Variants in SELENBP1 observed in about 807,000 individuals in gnomAD.
The protein encoded by SELENBP1 is selenium binding protein 1.
A neutral mutation model predicts 61.0 loss-of-function variants in SELENBP1; 71 were observed. The ratio of observed to expected loss-of-function variants is 1.16; its 90% CI spans 0.96 to 1.42. The LOEUF is 1.42. Among genes scored for constraint, SELENBP1 ranks in the 40% most tolerant of loss-of-function variants. SELENBP1 has a pLI of 0.00. For synonymous variants in SELENBP1, 270 were observed against 238.9 expected (o/e 1.13, Z -1.20); for missense variants, 561 against 605.0 (o/e 0.93, Z 0.76).
In SELENBP1 at chr1:151,366,917, G is replaced by A. The variant is rs377714552; in HGVS notation, c.482-13C>T. The A allele has an allele frequency of 2.7e-5, 43 of 1,612,074 alleles. No homozygotes were observed. Among genetic ancestry groups the A allele is most frequent in the Non-Finnish European group, 3.4e-5 (40 of 1,178,688 alleles). On this transcript the variant is annotated splice_polypyrimidine_tract_variant and intron_variant, in intron 5 of 11. Transcript: ENST00000368868. Reference sequence around the variant, plus strand: ...AGCACAAAACCCCCTGAACAGGGAAGGAAGCAGGGTGGCAGGTAGAAGCAG... The same window carrying A: ...AGCACAAAACCCCCTGAACAGGGAAAGAAGCAGGGTGGCAGGTAGAAGCAG...
chr1:151,366,233 G>A (rs375056484), intron 7 of SELENBP1, 42 bp downstream of exon 7: 8 of 1,591,594 alleles, frequency 5.0e-6, no homozygotes, highest in Non-Finnish European at 6.9e-6. Flanking sequence ...TAGAGCTGCT[G>A]ACAAGACTAC....
intron 2 of SELENBP1, 48 bp from the exon 3 acceptor site, chr1:151,369,602 G>T: frequency 6.4e-7 from 1 of 1,562,036 alleles, no homozygotes; most frequent in South Asian, 1.2e-5. Flanking sequence ...GGGAAGGAAA[G>T]GTAGGGGAAG....
chr1:151,368,903 G>A, intron 4 of SELENBP1, 101 bp downstream of exon 4: 1 of 1,279,222 alleles, frequency 7.8e-7, no homozygotes, highest in Non-Finnish European at 1.1e-6. Flanking sequence ...TGCCGCGTAA[G>A]AGCTGGAGGC....
chr1:151,365,392 A>G, intron 9 of SELENBP1, 111 bp from the exon 10 acceptor site: 2 of 1,460,328 alleles, frequency 1.4e-6, no homozygotes, highest in Non-Finnish European at 1.9e-6. Flanking sequence ...CATGCTCTGC[A>G]TGCCCATCCC....
In SELENBP1 at chr1:151,368,177, A is replaced by C. The variant is rs1475314577; in HGVS notation, c.481+22T>G. The C allele has an allele frequency of 4.4e-6, 7 of 1,605,538 alleles. No individual in the cohort carries two copies. The South Asian group carries it at 6.6e-5, about 15-fold the overall frequency. On this transcript the variant is annotated intron_variant, in intron 5 of 11. Coordinates refer to ENST00000368868, the MANE Select transcript of SELENBP1 (RefSeq NM_003944.4). ...TTTCACAGCTGTGGAAGTTTTCATGAGCACACAGTGCTGGCAGGTACCTTT... is the reference window on the plus strand; with the variant it reads ...TTTCACAGCTGTGGAAGTTTTCATGCGCACACAGTGCTGGCAGGTACCTTT...
intron 5 of SELENBP1, among the ~76,000 whole-genome samples, chr1:151,367,643 G>C (rs753201144): frequency 1.3e-5 from 2 of 152,098 alleles, no homozygotes; most frequent in Non-Finnish European, 2.9e-5. Flanking sequence ...ATTTTTTTGA[G>C]AGAGGGTCTC....
chr1:151,368,700 C>T (rs138692930), intron 4 of SELENBP1, among the ~76,000 whole-genome samples: 4 of 152,256 alleles, frequency 2.6e-5, no homozygotes, highest in Non-Finnish European at 4.4e-5. Flanking sequence ...TGGGAGAGAC[C>T]GGAATTTTTA....
intron 4 of SELENBP1, 66 bp from the exon 5 acceptor site, chr1:151,368,385 A>C: frequency 1.3e-6 from 2 of 1,573,586 alleles, no homozygotes; most frequent in Admixed American, 3.4e-5. Flanking sequence ...TAACCTCCAT[A>C]CTTCCCCTAC....
At chr1:151,366,650 G>T in intron 6 of SELENBP1, 72 bp downstream of exon 6, 2 of 1,548,202 alleles carry the variant, frequency 1.3e-6, no homozygotes, top group Non-Finnish European at 1.8e-6. Flanking sequence ...AAGTGTGGGG[G>T]TGGGAGATTT....
chr1:151,369,676 G>A, intron 2 of SELENBP1, 37 bp downstream of exon 2: 4 of 1,548,758 alleles, frequency 2.6e-6, no homozygotes, highest in Non-Finnish European at 3.5e-6. Context: ...TGTGGAATCA[G>A]TAGTAGGGCG....
intron 9 of SELENBP1, 46 bp from the exon 10 acceptor site, chr1:151,365,327 G>T (rs762652006): frequency 1.3e-6 from 2 of 1,560,444 alleles, no homozygotes; most frequent in African/African-American, 2.7e-5. Flanking sequence ...AGTGGGAGGC[G>T]CAAACATTGC....
In SELENBP1 at chr1:151,366,739, G is replaced by A. The variant is rs537491602; in HGVS notation, c.647C>T (p.Pro216Leu). 9.9e-5 allele frequency: 159 copies of A among 1,614,102 alleles called. No individual in the cohort carries two copies. In the South Asian group the frequency reaches 1.7e-3, roughly 17 times the overall value. ...APNVLRDGFN[P>L]ADVEAGLYGS... is the part of the protein sequence containing the mutation. ...ATTCTCACCAGCCTCCACATCAGCG[G>A]GGTTGAAGCCATCTCGTAAGACATT... The change falls in exon 6 of 12, where the codon CCC (proline) becomes CTC (leucine). Residue 216 changes from proline to leucine, a missense_variant. Physicochemically the swap from Pro to Leu is moderately conservative, Grantham distance 98. Transcript: ENST00000368868.
Position 151,364,365 on chromosome 1 carries a change from A to G in SELENBP1, c.*178T>C, listed in dbSNP as rs1651682709. 4 of 706,340 alleles carry G rather than the reference A, an allele frequency of 5.7e-6. No homozygotes were observed. Among genetic ancestry groups the G allele is most frequent in the Non-Finnish European group, 9.5e-6 (4 of 420,860 alleles). 43.8% of individuals were successfully genotyped at this position (706,340 alleles called of 1,614,324 possible). ...CCAAGAGCTCATGGAAAAGCAGCAC[A>G]GTGAGCAACAAGCAACAGTGGTCAG... On this transcript the variant is annotated 3_prime_UTR_variant, in exon 12 of 12. Coordinates refer to ENST00000368868, the MANE Select transcript of SELENBP1 (RefSeq NM_003944.4).
At position 151,369,528 on chromosome 1, in the gene SELENBP1, G is replaced by A. The variant is rs545688504; in HGVS notation, c.88C>T (p.Pro30Ser). ...KGPREEIVYL[P>S]CIYRNTGTEA... ...GTGCCTGTGTTTCGGTAAATGCAGG[G>A]CAGGTAGACGATCTCTTCCCTGGGT... The change falls in exon 3 of 12, where the codon CCC becomes TCC. Residue 30 changes from proline (P) to serine (S), a missense_variant. By Grantham distance (74) the Pro-to-Ser change is moderately conservative (BLOSUM62 -1). Coordinates refer to ENST00000368868, the MANE Select transcript of SELENBP1 (RefSeq NM_003944.4). 7.1e-5 allele frequency: 115 copies of A among 1,610,104 alleles called. 1 individual carries two copies. Among genetic ancestry groups the A allele is most frequent in the Admixed American group, 6.1e-4 (36 of 59,252 alleles).
At chr1:151,369,957 G>A (rs1221900123) in intron 1 of SELENBP1, 188 bp from the exon 2 acceptor site, 1 of 1,489,700 alleles carries the variant, frequency 6.7e-7, no homozygotes, top group South Asian at 1.3e-5. Context: ...GGTTGTGCTG[G>A]GAAGAGCTGG....
At position 151,369,085 on chromosome 1, in the gene SELENBP1, C is replaced by T; in HGVS notation, c.279G>A (p.Lys93=). The change falls in exon 4 of 12, where the codon AAG becomes AAA. Residue 93 remains lysine (K), a synonymous_variant. Coordinates refer to ENST00000368868, the MANE Select transcript of SELENBP1 (RefSeq NM_003944.4). The stretch of plus-strand genomic sequence containing the variant: ...AGGAGATGAGACTGGGCAGCACCAG[C>T]TTGGTGCGCGACTTGGTGCTATCAC... The part of the protein sequence containing the change: ...CFGDSTKSRT[K]LVLPSLISSR... 1 of 1,614,064 alleles carries T rather than the reference C, an allele frequency of 6.2e-7. No individual in the cohort carries two copies. The highest frequency in any genetic ancestry group is 8.5e-7 in the Non-Finnish European group (1 of 1,180,012).
At position 151,366,829 on chromosome 1, in the gene SELENBP1, A is replaced by C; in HGVS notation, c.557T>G (p.Leu186Trp). ...TWERPGGAAP[L>W]GYDFWYQPRH... ...AGGCTGGTACCAGAAGTCATAGCCC[A>C]ACGGTGCAGCACCCCCAGGTCTCTC... is the stretch of plus-strand genomic sequence containing the variant. The change falls in exon 6 of 12, where the codon TTG becomes TGG. Residue 186 changes from leucine to tryptophan, a missense_variant. Physicochemically the swap from Leu to Trp is moderately conservative, Grantham distance 61. Coordinates refer to ENST00000368868, the MANE Select transcript of SELENBP1 (RefSeq NM_003944.4). 1 of 1,614,124 alleles carries C rather than the reference A, an allele frequency of 6.2e-7. No individual in the cohort carries two copies. Among genetic ancestry groups the C allele is most frequent in the South Asian group, 1.1e-5 (1 of 91,084 alleles).
chr1:151,364,730 G>T, intron 11 of SELENBP1, 25 bp from the exon 12 acceptor site: 1 of 1,557,094 alleles, frequency 6.4e-7, no homozygotes, highest in Non-Finnish European at 8.7e-7. Context: ...AATGGGGTAA[G>T]GGAGAGGTCA....
At chr1:151,370,358 C>T (rs537200814) in intron 1 of SELENBP1, 19 of 166,486 alleles carry the variant, frequency 1.1e-4, no homozygotes, top group Middle Eastern at 3.2e-3. Flanking sequence ...GGGGAGGCCA[C>T]TTCCTGCTTT....
Sources: gnomAD v4.1 joint callset for allele counts (sites outside exome capture counted in the v4.1 genomes callset) on GRCh38, gnomAD v4.1.1 for gene constraint, MANE v1.5 for transcripts, NCBI Gene and HGNC (gene_info 2026-07-23, HGNC 2026-07-21) for gene names.